Variants in TRNT1 observed in about 807,000 individuals in gnomAD.
TRNT1 encodes the protein tRNA nucleotidyl transferase 1, also known as CCA tRNA nucleotidyltransferase 1, mitochondrial.
TRNT1 carries 44 observed loss-of-function variants against 45.6 expected under a neutral mutation model. The ratio of observed to expected loss-of-function variants is 0.97; its 90% CI spans 0.76 to 1.24. The LOEUF (loss-of-function observed/expected upper bound fraction) is 1.24, where lower values mean the gene tolerates loss of function less well. Ranked by LOEUF, TRNT1 falls within the 50% of genes most tolerant of loss-of-function variation. TRNT1 has a pLI of 0.00. For synonymous variants in TRNT1, 201 were observed against 171.4 expected (o/e 1.17, Z -1.35); for missense variants, 633 against 504.4 (o/e 1.25, Z -2.44).
chr3:3,133,164 A>G (rs1286096460), intron 2 of TRNT1, among the ~76,000 whole-genome samples: 2 of 152,174 alleles, frequency 1.3e-5, no homozygotes, highest in Non-Finnish European at 2.9e-5. Context: ...AGACTAGAAT[A>G]GTGTATTATT....
Position 3,129,128 on chromosome 3 carries a change from A to G in TRNT1, c.88A>G (p.Met30Val), listed in dbSNP as rs375274931. ...LCLPKQYLFT[M>V]KLQSPEFQSL... The stretch of plus-strand genomic sequence containing the variant: ...CCTTCCGAAGCAGTATCTATTCACA[A>G]TGAAGTTGCAGTCTCCCGAATTCCA... The change falls in exon 2 of 8, where the codon ATG (methionine) becomes GTG (valine). Residue 30 changes from methionine to valine, a missense_variant. Met to Val is a conservative substitution (Grantham distance 21). Transcript: ENST00000251607. 3.0e-5 allele frequency: 48 copies of G among 1,613,926 alleles called. No homozygotes were observed. The highest frequency in any genetic ancestry group is 8.0e-5 in the African/African-American group (6 of 74,916).
chr3:3,144,842 T>G, intron 5 of TRNT1, 132 bp downstream of exon 5: 21 of 846,690 alleles, frequency 2.5e-5, no homozygotes, highest in Non-Finnish European at 3.2e-5. Context: ...AGTGGAGACC[T>G]AGCACCCTAT....
downstream of TRNT1, among the ~76,000 whole-genome samples, chr3:3,151,526 C>G (rs1278741278): frequency 1.3e-5 from 2 of 152,058 alleles, no homozygotes; most frequent in African/African-American, 4.8e-5. Flanking sequence ...GAACGATTGT[C>G]AGATAATGCA....
At chr3:3,129,846 A>G in intron 2 of TRNT1, 4 of 1,548,828 alleles carry the variant, frequency 2.6e-6, no homozygotes, top group Non-Finnish European at 3.5e-6. Context: ...CTAACTAGAG[A>G]GCTAGGTTTC....
Position 3,148,914 on chromosome 3 carries a change from G to GTCTT in TRNT1, c.*762_*765dup, listed in dbSNP as rs1171385820. 6.6e-6 allele frequency: 1 copy of GTCTT among 151,988 alleles called. No homozygotes were observed. The highest frequency in any genetic ancestry group is 1.5e-5 in the Non-Finnish European group (1 of 67,952). The allele number at this position is 151,988 out of a possible 1,614,324, so 9.4% of individuals were successfully genotyped here. A position where few individuals can be genotyped will look rare whatever the true frequency, so the allele number is the denominator to read the frequency against. ...TGTCATATACAATGGTAATATGCCT[G>GTCTT]TCTTTAAAGTGTTATTTTATTAATT... On this transcript the variant is annotated 3_prime_UTR_variant, in exon 8 of 8. Coordinates refer to ENST00000251607, the MANE Select transcript of TRNT1 (RefSeq NM_182916.3).
intron 2 of TRNT1, among the ~76,000 whole-genome samples, chr3:3,135,183 C>G (rs913076083): frequency 6.6e-6 from 1 of 152,138 alleles, no homozygotes; most frequent in African/African-American, 2.4e-5. Flanking sequence ...CAGCCAGCCA[C>G]TGAGCTGGAG....
intron 5 of TRNT1, 37 bp from the exon 6 acceptor site, chr3:3,146,393 T>C (rs1559229579): frequency 3.3e-6 from 5 of 1,527,652 alleles, no homozygotes; most frequent in Non-Finnish European, 4.4e-6. Context: ...GATATGCCAA[T>C]ATAGAGGTAA....
At chr3:3,139,687 G>A (rs548485051) in intron 3 of TRNT1, among the ~76,000 whole-genome samples, 1 of 152,244 alleles carries the variant, frequency 6.6e-6, no homozygotes, top group South Asian at 2.1e-4. Flanking sequence ...CCAGCTGGAG[G>A]TAGTCTGTCT....
At chr3:3,149,144 G>A (rs970629072), downstream of TRNT1, 1 of 152,078 alleles carries the variant, frequency 6.6e-6, no homozygotes, top group African/African-American at 2.4e-5. Flanking sequence ...TTTGGACCTT[G>A]ATAAAACAAT....
chr3:3,141,073 A>T (rs1432127469), intron 4 of TRNT1, among the ~76,000 whole-genome samples: 1 of 152,118 alleles, frequency 6.6e-6, no homozygotes, highest in Non-Finnish European at 1.5e-5. Context: ...CTCCATCTCA[A>T]AAAAAAAGAA....
At chr3:3,129,283 G>A (rs1370083359) in intron 2 of TRNT1, 95 bp downstream of exon 2, 2 of 1,148,082 alleles carry the variant, frequency 1.7e-6, no homozygotes, top group Non-Finnish European at 1.2e-6. Flanking sequence ...TATTTTCATT[G>A]TTGTTTTAAT....
chr3:3,133,449 C>A (rs1705136675), intron 2 of TRNT1, among the ~76,000 whole-genome samples: 1 of 151,976 alleles, frequency 6.6e-6, no homozygotes, highest in African/African-American at 2.4e-5. Context: ...GTCCCAGCTA[C>A]TCAGGAGGCT....
chr3:3,141,126 G>A (rs946592773), intron 4 of TRNT1, among the ~76,000 whole-genome samples: 12 of 152,124 alleles, frequency 7.9e-5, no homozygotes, highest in African/African-American at 2.7e-4. Context: ...TTCTGACTCC[G>A]TCACTCACTA....
Position 3,147,547 on chromosome 3 carries a change from C to T in TRNT1, c.900C>T (p.Phe300=), listed in dbSNP as rs376431679. The change falls in exon 7 of 8, where the codon TTC becomes TTT. Residue 300 remains phenylalanine (F), a synonymous_variant. Coordinates refer to ENST00000251607, the MANE Select transcript of TRNT1 (RefSeq NM_182916.3). ...CAGTGACTCTTTTGGCCTCATTATT[C>T]AAAGTACAAGATGATGTCACAAAAT... ...PKPVTLLASL[F]KVQDDVTKLD... 1 of 1,613,840 alleles carries T rather than the reference C, an allele frequency of 6.2e-7. No homozygotes were observed. The highest frequency in any genetic ancestry group is 8.5e-7 in the Non-Finnish European group (1 of 1,179,866).
downstream of TRNT1, chr3:3,152,648 C>G: frequency 6.3e-7 from 1 of 1,598,108 alleles, no homozygotes; most frequent in Non-Finnish European, 8.6e-7. Context: ...TTATTAAATG[C>G]TTAGAATTTT....
At position 3,146,831 on chromosome 3, in the gene TRNT1, T is replaced by G. The variant is rs376695065; in HGVS notation, c.802+208T>G. 7.9e-5 allele frequency among the ~76,000 whole-genome samples: 12 copies of G among 152,288 alleles called. No homozygotes were observed. In the South Asian group the frequency reaches 2.3e-3, roughly 29 times the overall value. On this transcript the variant is annotated intron_variant, in intron 6 of 7. Coordinates refer to ENST00000251607, the MANE Select transcript of TRNT1 (RefSeq NM_182916.3). Reference sequence around the variant, plus strand: ...AGCTTGTGGTGCTTGTAGAGTAGTCTCTAGTCAGACCTAGGTTTGAAGGAA... The same window carrying G: ...AGCTTGTGGTGCTTGTAGAGTAGTCGCTAGTCAGACCTAGGTTTGAAGGAA...
chr3:3,145,943 C>T (rs142269746), intron 5 of TRNT1, among the ~76,000 whole-genome samples: 1,753 of 151,314 alleles, frequency 0.012, 29 homozygotes, highest in Middle Eastern at 0.027. Context: ...CTCCAGGGTG[C>T]GCAACTAGAT....
At chr3:3,144,027 T>C (rs1173130908) in intron 4 of TRNT1, among the ~76,000 whole-genome samples, 1 of 152,252 alleles carries the variant, frequency 6.6e-6, no homozygotes, top group African/African-American at 2.4e-5. Context: ...CATATATTTT[T>C]CCAAAAATGT....
chr3:3,135,634 G>T (rs540213365), intron 2 of TRNT1, among the ~76,000 whole-genome samples: 1 of 152,274 alleles, frequency 6.6e-6, no homozygotes, highest in South Asian at 2.1e-4. Context: ...CAGAGAATGG[G>T]GCTGAAAAGA....
Sources: gnomAD v4.1 joint callset for allele counts (sites outside exome capture counted in the v4.1 genomes callset) on GRCh38, gnomAD v4.1.1 for gene constraint, MANE v1.5 for transcripts, NCBI Gene and HGNC (gene_info 2026-07-23, HGNC 2026-07-21) for gene names.